The following SOX5 variants were observed in gnomAD, a reference collection of about 807,000 sequenced individuals.
SOX5 encodes SRY-box transcription factor 5.
SOX5 carries 9 observed loss-of-function variants against 92.0 expected under a neutral mutation model. That is an observed-to-expected ratio of 0.10 (90% CI 0.06 to 0.17). SOX5 has a LOEUF of 0.17. Ranked by LOEUF, SOX5 falls within the 10% of genes least tolerant of loss-of-function variation. The probability of loss-of-function intolerance (pLI) is 1.00; values close to 1 mark genes in which losing one functional copy is unlikely to be tolerated. For missense variants in SOX5, 642 were observed against 944.5 expected, an observed-to-expected ratio of 0.68 and a Z score of 4.20; for synonymous variants, 344 against 336.3, an observed-to-expected ratio of 1.02 and a Z score of -0.25.
intron 3 of SOX5, among the ~76,000 whole-genome samples, chr12:23,772,221 T>A (rs982139057): frequency 2.6e-5 from 4 of 152,250 alleles, no homozygotes; most frequent in African/African-American, 9.6e-5. Context: ...ACGTTGGCAA[T>A]TTTTTGATGT....
At chr12:23,979,880 G>C (rs1592025324) in intron 4 of SOX5, among the ~76,000 whole-genome samples, 1 of 108,570 alleles carries the variant, frequency 9.2e-6, no homozygotes, top group Admixed American at 8.7e-5. Context: ...ACCATGCCTG[G>C]CTGGCTGGCT....
chr12:24,458,037 ATT>A (rs35345972), intron 1 of SOX5, among the ~76,000 whole-genome samples: 33 of 149,838 alleles, frequency 2.2e-4, no homozygotes, highest in Middle Eastern at 3.5e-3. Context: ...CAGGTAAACT[ATT>A]TTTTTTTTTA....
At chr12:24,261,130 G>A (rs74068474) in intron 3 of SOX5, among the ~76,000 whole-genome samples, 3 of 151,994 alleles carry the variant, frequency 2.0e-5, no homozygotes, top group Admixed American at 6.6e-5. Flanking sequence ...GAGATTTTAC[G>A]TGTAGAATGT....
chr12:24,064,109 TG>T (rs577914908), intron 4 of SOX5, among the ~76,000 whole-genome samples: 2 of 152,166 alleles, frequency 1.3e-5, no homozygotes, highest in Non-Finnish European at 2.9e-5. Flanking sequence ...GAATACCAAA[TG>T]AACCACCAAT....
intron 1 of SOX5, among the ~76,000 whole-genome samples, chr12:24,535,648 G>T (rs898216631): frequency 2.0e-5 from 3 of 152,178 alleles, no homozygotes; most frequent in African/African-American, 7.2e-5. Flanking sequence ...TGTATTTACA[G>T]CTGGGTAAGC....
chr12:24,003,316 T>C (rs141592854), intron 4 of SOX5, among the ~76,000 whole-genome samples: 112 of 151,970 alleles, frequency 7.4e-4, no homozygotes, highest in Admixed American at 2.5e-3. Flanking sequence ...GTATAATGAG[T>C]TAAGAAAAAT....
chr12:24,138,928 C>A (rs1488149673), intron 4 of SOX5, among the ~76,000 whole-genome samples: 1 of 152,104 alleles, frequency 6.6e-6, no homozygotes, highest in Non-Finnish European at 1.5e-5. Flanking sequence ...TTAAAGAGCA[C>A]CCTGATAATA....
chr12:23,964,038 A>T (rs1469865526), intron 4 of SOX5, among the ~76,000 whole-genome samples: 1 of 152,090 alleles, frequency 6.6e-6, no homozygotes, highest in Non-Finnish European at 1.5e-5. Context: ...ACACTAAAAA[A>T]TAGGGTTGAA....
chr12:24,162,082 G>A (rs7954398), intron 4 of SOX5, among the ~76,000 whole-genome samples: 64,919 of 151,982 alleles, frequency 0.43, 14,736 homozygotes, highest in East Asian at 0.8. Flanking sequence ...CGGTAAAAGA[G>A]ACATTAGAAA....
intron 1 of SOX5, among the ~76,000 whole-genome samples, chr12:24,375,447 G>T (rs1429768501): frequency 6.6e-6 from 1 of 151,888 alleles, no homozygotes; most frequent in South Asian, 2.1e-4. Flanking sequence ...TCAGAAGCGA[G>T]AATAAGGCCG....
At chr12:23,692,136 T>G (rs1025188056) in intron 6 of SOX5, among the ~76,000 whole-genome samples, 3 of 152,128 alleles carry the variant, frequency 2.0e-5, no homozygotes, top group African/African-American at 7.2e-5. Flanking sequence ...TACTGATTAT[T>G]TAAAAATGAT....
chr12:23,790,272 ATTT>A (rs1314560853), intron 3 of SOX5, among the ~76,000 whole-genome samples: 1 of 152,166 alleles, frequency 6.6e-6, no homozygotes, highest in Non-Finnish European at 1.5e-5. Context: ...GTTTATGTGA[ATTT>A]TATTATTTCA....
intron 4 of SOX5, among the ~76,000 whole-genome samples, chr12:24,001,179 C>G (rs960585099): frequency 6.7e-6 from 1 of 149,768 alleles, no homozygotes; most frequent in African/African-American, 2.6e-5. Context: ...CAGCCTCAAC[C>G]TCCTGGGCTC....
chr12:23,533,035 A>G lies in SOX5; in HGVS notation c.*1184T>C, dbSNP rs926061009. 1.2e-5 allele frequency: 4 copies of G among 334,424 alleles called. No individual in the cohort carries two copies. The highest frequency in any genetic ancestry group is 3.1e-5 in the Admixed American group (1 of 31,986). The allele number at this position is 334,424 out of a possible 1,614,324, so 20.7% of individuals were successfully genotyped here. A position where few individuals can be genotyped will look rare whatever the true frequency, so the allele number is the denominator to read the frequency against. On this transcript the variant is annotated 3_prime_UTR_variant, in exon 15 of 15. Coordinates refer to ENST00000451604, the MANE Select transcript of SOX5 (RefSeq NM_006940.6). ...TGTTATACATGCACACCTCTATTAC[A>G]CAGGGCCACCTGATCCATCCAATAA...
At chr12:24,494,312 C>T (rs1164294315) in intron 1 of SOX5, among the ~76,000 whole-genome samples, 2 of 152,160 alleles carry the variant, frequency 1.3e-5, no homozygotes, top group Non-Finnish European at 2.9e-5. Flanking sequence ...TTTACTGCTC[C>T]CTGATGATCA....
intron 3 of SOX5, among the ~76,000 whole-genome samples, chr12:23,782,859 G>C (rs2095308817): frequency 6.6e-6 from 1 of 152,076 alleles, no homozygotes; most frequent in Admixed American, 6.5e-5. Context: ...ATCTACAACA[G>C]AGACATGAAT....
intron 4 of SOX5, among the ~76,000 whole-genome samples, chr12:24,165,588 A>G (rs1196467030): frequency 6.6e-6 from 1 of 152,176 alleles, no homozygotes; most frequent in African/African-American, 2.4e-5. Flanking sequence ...TGATTTGTGA[A>G]GGAGTACAAG....
At chr12:24,132,124 T>C (rs1377556190) in intron 4 of SOX5, among the ~76,000 whole-genome samples, 1 of 152,176 alleles carries the variant, frequency 6.6e-6, no homozygotes, top group Non-Finnish European at 1.5e-5. Flanking sequence ...CTTACTTCAG[T>C]TACATTCAAC....
chr12:24,217,764 T>G (rs528740703), intron 3 of SOX5, among the ~76,000 whole-genome samples: 1 of 152,114 alleles, frequency 6.6e-6, no homozygotes, highest in African/African-American at 2.4e-5. Context: ...CTGACTTACA[T>G]CCACAATGTA....
Sources: allele counts gnomAD v4.1 joint callset (sites outside exome capture counted in the v4.1 genomes callset), GRCh38; gene constraint gnomAD v4.1.1; transcripts MANE v1.5; gene names NCBI Gene and HGNC (gene_info 2026-07-23, HGNC 2026-07-21).